The following DUXA variants were observed in gnomAD, a reference collection of about 807,000 sequenced individuals.
DUXA encodes double homeobox protein A.
In DUXA, 25 loss-of-function variants were observed where a neutral mutation model predicts 27.5. The observed-to-expected ratio is 0.91, with a 90% confidence interval of 0.66 to 1.27. The LOEUF (loss-of-function observed/expected upper bound fraction) is 1.27, where lower values mean the gene tolerates loss of function less well. DUXA is among the 50% of genes most tolerant of loss of function. The pLI is 0.00. For synonymous variants in DUXA, 90 were observed against 80.5 expected (o/e 1.12, Z -0.63); for missense variants, 247 against 242.9 (o/e 1.02, Z -0.11).
At chr19:57,162,731 C>T (rs1488748967) in intron 1 of DUXA, among the ~76,000 whole-genome samples, 2 of 152,060 alleles carry the variant, frequency 1.3e-5, no homozygotes, top group Admixed American at 6.6e-5. Flanking sequence ...CGTGCCGCCA[C>T]GCCTGGCTAA....
chr19:57,165,545 C>A (rs1207939961), intron 1 of DUXA, among the ~76,000 whole-genome samples: 1 of 150,636 alleles, frequency 6.6e-6, no homozygotes, highest in Non-Finnish European at 1.5e-5. Context: ...GTGGCTCACG[C>A]CTGTAATCCC....
intron 2 of DUXA, among the ~76,000 whole-genome samples, chr19:57,160,057 A>T (rs962233661): frequency 1.3e-5 from 2 of 152,130 alleles, no homozygotes; most frequent in African/African-American, 2.4e-5. Context: ...GCAAGCCAAG[A>T]TCACACCACT....
Position 57,161,411 on chromosome 19 carries a change from C to T in DUXA, c.26-614G>A, listed in dbSNP as rs188585220. Among the ~76,000 whole-genome samples, 2 of 146,490 alleles carry T rather than the reference C, an allele frequency of 1.4e-5. 1 individual carries two copies. Among genetic ancestry groups the T allele is most frequent in the African/African-American group, 5.1e-5 (2 of 38,846 alleles). ...GGCCGAGGCGGGCGGATCACAAGGTCAGGAGATCGAGACCATCCTGGCTAA... is the reference window on the plus strand; with the variant it reads ...GGCCGAGGCGGGCGGATCACAAGGTTAGGAGATCGAGACCATCCTGGCTAA... On this transcript the variant is annotated intron_variant, in intron 1 of 5. Transcript: ENST00000554048.
At chr19:57,163,742 T>G (rs530186269) in intron 1 of DUXA, among the ~76,000 whole-genome samples, 11 of 152,264 alleles carry the variant, frequency 7.2e-5, no homozygotes, top group Non-Finnish European at 7.3e-5. Flanking sequence ...TTCTTAAACT[T>G]GTTTAAAGGG....
chr19:57,163,802 G>A (rs1014747591), intron 1 of DUXA, among the ~76,000 whole-genome samples: 11 of 152,274 alleles, frequency 7.2e-5, no homozygotes, highest in African/African-American at 1.9e-4. Flanking sequence ...TTCTTACTGC[G>A]TTATATTAAA....
At chr19:57,157,019 G>A (rs902059153) in intron 4 of DUXA, among the ~76,000 whole-genome samples, 1 of 152,106 alleles carries the variant, frequency 6.6e-6, no homozygotes, top group Non-Finnish European at 1.5e-5. Context: ...GGTTTTGGAG[G>A]AGACAAACAT....
intron 1 of DUXA, among the ~76,000 whole-genome samples, chr19:57,165,035 T>A (rs2122700102): frequency 6.6e-6 from 1 of 152,178 alleles, no homozygotes; most frequent in African/African-American, 2.4e-5. Flanking sequence ...AATGTCTTAG[T>A]ATAATTAGGA....
Position 57,160,774 on chromosome 19 carries a change from G to T in DUXA, c.49C>A (p.Arg17Ser), listed in dbSNP as rs369191089. 6.2e-7 allele frequency: 1 copy of T among 1,614,034 alleles called. No homozygotes were observed. The highest frequency in any genetic ancestry group is 1.3e-5 in the African/African-American group (1 of 75,006). The change falls in exon 2 of 6, where the codon CGC becomes AGC. Residue 17 changes from arginine (R) to serine (S), a missense_variant. Arg to Ser is a moderately radical substitution (Grantham distance 110). Transcript: ENST00000554048. ...SHKMVKTNHR[R>S]CRTKFTEEQL... ...TCTTCTGTGAATTTTGTGCGACAGCGCCTATGATTTGTTTTTACCATCTCT... is the reference window on the plus strand; with the variant it reads ...TCTTCTGTGAATTTTGTGCGACAGCTCCTATGATTTGTTTTTACCATCTCT...
intron 1 of DUXA, among the ~76,000 whole-genome samples, chr19:57,163,683 C>A (rs8111495): frequency 0.71 from 108,079 of 151,702 alleles, 38,696 homozygotes; most frequent in Non-Finnish European, 0.73. Context: ...CCCACCTCAG[C>A]CTCCCAAAGT....
intron 5 of DUXA, 147 bp from the exon 6 acceptor site, chr19:57,154,629 T>C (rs1250856500): frequency 1.8e-5 from 10 of 570,810 alleles, no homozygotes; most frequent in East Asian, 1.6e-4. Flanking sequence ...GGTGGCGCGA[T>C]CTCGGCTCAC....
At chr19:57,165,661 C>T (rs1463692604) in intron 1 of DUXA, among the ~76,000 whole-genome samples, 2 of 151,630 alleles carry the variant, frequency 1.3e-5, no homozygotes, top group Middle Eastern at 3.2e-3. Flanking sequence ...AAAAATTAGC[C>T]AGGCGTGGTG....
intron 5 of DUXA, 110 bp downstream of exon 5, chr19:57,155,157 G>C: frequency 2.1e-6 from 2 of 938,292 alleles, no homozygotes; most frequent in Non-Finnish European, 3.4e-6. Context: ...GAGCACTTGA[G>C]TGGGGATATC....
In DUXA at chr19:57,167,429, G is replaced by T; in HGVS notation, c.15C>A (p.Thr5=). ...CACAAGGGAACTTACTGTGTGAATAGGTGTCTTCGGCCATGCTGGAAGAGA... is the reference window on the plus strand; with the variant it reads ...CACAAGGGAACTTACTGTGTGAATATGTGTCTTCGGCCATGCTGGAAGAGA... The part of the protein sequence containing the change: MAED[T]YSHKMVKTNH... Residue 5 remains threonine, a synonymous_variant, in exon 1 of 6, where the codon ACC becomes ACA. Transcript: ENST00000554048. 1 of 1,613,616 alleles carries T rather than the reference G, an allele frequency of 6.2e-7. No homozygotes were observed. The highest frequency in any genetic ancestry group is 8.5e-7 in the Non-Finnish European group (1 of 1,179,870).
chr19:57,160,572 A>T (rs944341391), intron 2 of DUXA, 71 bp downstream of exon 2: 7 of 1,559,290 alleles, frequency 4.5e-6, no homozygotes, highest in Non-Finnish European at 6.1e-6. Context: ...GGTACATAGT[A>T]TGGGCTCCGT....
intron 2 of DUXA, 89 bp downstream of exon 2, chr19:57,160,554 A>G (rs1357367834): frequency 6.8e-7 from 1 of 1,478,800 alleles, no homozygotes; most frequent in Non-Finnish European, 9.2e-7. Context: ...CCAAGCCCTC[A>G]GCACATGGGT....
intron 3 of DUXA, 145 bp downstream of exon 3, chr19:57,159,022 G>C: frequency 1.6e-6 from 1 of 628,874 alleles, no homozygotes; most frequent in Non-Finnish European, 2.7e-6. Flanking sequence ...GGGCAGGGGA[G>C]AACTTCTAGG....
chr19:57,155,630 T>C (rs1322679536), intron 4 of DUXA, among the ~76,000 whole-genome samples: 8 of 136,242 alleles, frequency 5.9e-5, no homozygotes, highest in Non-Finnish European at 7.7e-5. Context: ...GAGGCACACT[T>C]GACTGTGCCC....
At chr19:57,154,810 A>G (rs10421526) in intron 5 of DUXA, among the ~76,000 whole-genome samples, 102,234 of 151,824 alleles carry the variant, frequency 0.67, 34,607 homozygotes, top group South Asian at 0.79. Context: ...TGATCCGCCC[A>G]CCTCGGCCTC....
intron 1 of DUXA, among the ~76,000 whole-genome samples, chr19:57,165,956 CA>C (rs933255353): frequency 3.3e-5 from 5 of 152,038 alleles, no homozygotes; most frequent in Non-Finnish European, 7.3e-5. Context: ...AAAGAAGACT[CA>C]AGTGGCAAGA....
Sources: gnomAD v4.1 joint callset for allele counts (sites outside exome capture counted in the v4.1 genomes callset) on GRCh38, gnomAD v4.1.1 for gene constraint, MANE v1.5 for transcripts, NCBI Gene and HGNC (gene_info 2026-07-23, HGNC 2026-07-21) for gene names.